B9D1: variants seen among roughly 807,000 people sequenced by gnomAD.
B9D1 encodes B9 domain containing 1.
A neutral mutation model predicts 26.1 loss-of-function variants in B9D1; 20 were observed. The observed-to-expected ratio is 0.77, with a 90% CI of 0.54 to 1.12. The LOEUF is 1.12. B9D1 is among the 50% of genes most tolerant of loss of function. The pLI is 0.00. For missense variants in B9D1, 260 were observed against 273.7 expected (o/e 0.95, Z 0.35); for synonymous variants, 105 against 103.1 (o/e 1.02, Z -0.11).
chr17:19,376,624 CAAAAAAAAA>C (rs56972267), intron 1 of B9D1, among the ~76,000 whole-genome samples: 1,120 of 49,010 alleles, frequency 0.023, 20 homozygotes, highest in South Asian at 0.21. Flanking sequence ...TACTAAAATA[CAAAAAAAAA>C]AAAAAAAAAA....
intron 5 of B9D1, among the ~76,000 whole-genome samples, chr17:19,345,676 G>A (rs1468104070): frequency 6.6e-6 from 1 of 152,186 alleles, no homozygotes; most frequent in Non-Finnish European, 1.5e-5. Context: ...CCAGTGACCT[G>A]GATTTTGAAC....
At chr17:19,371,247 T>C (rs1001489999) in intron 1 of B9D1, 1 of 152,454 alleles carries the variant, frequency 6.6e-6, no homozygotes, top group Non-Finnish European at 1.5e-5. Flanking sequence ...TATGTCCCAG[T>C]AGCTTGTGTG....
intron 5 of B9D1, chr17:19,346,826 T>C: frequency 9.1e-7 from 1 of 1,096,938 alleles, no homozygotes; most frequent in Non-Finnish European, 1.2e-6. Context: ...GTGCCTGATG[T>C]TCTTCCCCGG....
downstream of B9D1, chr17:19,335,473 G>A (rs1907367040): frequency 7.7e-6 from 12 of 1,549,518 alleles, no homozygotes; most frequent in Non-Finnish European, 9.6e-6. Context: ...CTTTAACCTT[G>A]TGTGTCTGTG....
At chr17:19,350,494 G>A (rs1909455888) in intron 3 of B9D1, among the ~76,000 whole-genome samples, 1 of 151,958 alleles carries the variant, frequency 6.6e-6, no homozygotes, top group Admixed American at 6.5e-5. Context: ...AGTGAGCTGA[G>A]ATCGTGCCAC....
At chr17:19,376,787 C>CAAATAAAATAAAATAAAATAAAATA (rs150015643) in intron 1 of B9D1, among the ~76,000 whole-genome samples, 4 of 134,700 alleles carry the variant, frequency 3.0e-5, no homozygotes, top group Admixed American at 2.2e-4. Context: ...ACTCACTCTT[C>CAAATAAAATAAAATAAAATAAAATA]AAATAAAATA....
At chr17:19,349,207 T>C (rs754022788) in intron 3 of B9D1, among the ~76,000 whole-genome samples, 5 of 152,194 alleles carry the variant, frequency 3.3e-5, no homozygotes, top group African/African-American at 4.8e-5. Flanking sequence ...AGTGAGAGAA[T>C]AGTGGTAGCT....
intron 3 of B9D1, among the ~76,000 whole-genome samples, chr17:19,349,060 T>C (rs1388837840): frequency 6.6e-6 from 1 of 152,130 alleles, no homozygotes; most frequent in Non-Finnish European, 1.5e-5. Flanking sequence ...CCCATGTATG[T>C]TCCCTCCCAA....
chr17:19,377,399 T>G (rs1199718175), intron 1 of B9D1, among the ~76,000 whole-genome samples: 1 of 152,214 alleles, frequency 6.6e-6, no homozygotes, highest in Non-Finnish European at 1.5e-5. Context: ...TGTTTAAAAG[T>G]GAGGGACCCC....
chr17:19,350,512 C>T (rs1357089989), intron 3 of B9D1, among the ~76,000 whole-genome samples: 1 of 151,988 alleles, frequency 6.6e-6, no homozygotes, highest in Non-Finnish European at 1.5e-5. Context: ...CACTGCACTC[C>T]AGCCTGGGAG....
In B9D1 at chr17:19,347,228, A is replaced by G. The variant is rs1908939943; in HGVS notation, c.404+41T>C. ...GGTAGAATGGGACATCCATTCATCCAGTAGATCAGGAGGGGCTGGGGTTAT... is the reference window on the plus strand; with the variant it reads ...GGTAGAATGGGACATCCATTCATCCGGTAGATCAGGAGGGGCTGGGGTTAT... On this transcript the variant is annotated intron_variant, in intron 5 of 6. Coordinates refer to ENST00000261499, the MANE Select transcript of B9D1 (RefSeq NM_015681.6). The surrounding 1 kb of genome is among the most constrained non-coding windows in gnomAD (Gnocchi z 4.3). 3 of 1,614,238 alleles carry G rather than the reference A, an allele frequency of 1.9e-6. No individual in the cohort carries two copies. The highest frequency in any genetic ancestry group is 2.2e-5 in the East Asian group (1 of 44,886).
At chr17:19,342,482 C>T (rs377289822), downstream of B9D1, among the ~76,000 whole-genome samples, 3 of 152,020 alleles carry the variant, frequency 2.0e-5, no homozygotes, top group South Asian at 2.1e-4. Flanking sequence ...CCATGTCTGC[C>T]GAAAGCTCAG....
chr17:19,376,738 G>A (rs1912140374), intron 1 of B9D1, among the ~76,000 whole-genome samples: 1 of 149,792 alleles, frequency 6.7e-6, no homozygotes, highest in Non-Finnish European at 1.5e-5. Context: ...AGTGAGCCGA[G>A]ATCGCACCAC....
intron 1 of B9D1, among the ~76,000 whole-genome samples, chr17:19,377,036 C>T (rs1380327330): frequency 6.6e-6 from 1 of 152,130 alleles, no homozygotes; most frequent in Non-Finnish European, 1.5e-5. Context: ...AGACAAATGG[C>T]CAATAAGCAC....
chr17:19,340,730 A>C (rs1201857833), downstream of B9D1, among the ~76,000 whole-genome samples: 1 of 148,392 alleles, frequency 6.7e-6, no homozygotes, highest in Admixed American at 6.8e-5. Flanking sequence ...CAGAGGTTGC[A>C]GTCAGCCAGG....
rs936806693 is a variant in B9D1 at position 19,370,811 on chromosome 17, A to G, written c.-298+7048T>C. Among the ~76,000 whole-genome samples, 1 of 152,218 alleles carries G rather than the reference A, an allele frequency of 6.6e-6. No individual in the cohort carries two copies. The highest frequency in any genetic ancestry group is 1.5e-5 in the Non-Finnish European group (1 of 68,026). On this transcript the variant is annotated intron_variant, in intron 1 of 5. Transcript: ENST00000477478. This position sits in a 1 kb window ranked among gnomAD's most constrained non-coding sequence, Gnocchi z 5.1. ...CCTTTCCTCCACCAAAACCACACTC[A>G]GCTCATAGGCTGGCCTCAGGGGCAG...
chr17:19,367,542 C>T (rs1911664351), upstream of B9D1, among the ~76,000 whole-genome samples: 1 of 152,152 alleles, frequency 6.6e-6, no homozygotes, highest in Non-Finnish European at 1.5e-5. Context: ...AAAGTCCTGA[C>T]CTCAAGTGAT....
rs777500443 is a variant in B9D1, at chr17:19,347,860, C to A, written c.265G>T (p.Val89Leu). Residue 89 changes from valine (V) to leucine (L), a missense_variant, in exon 4 of 7, where the codon GTG becomes TTG. Val to Leu is a conservative substitution (Grantham distance 32, BLOSUM62 1). Transcript: ENST00000261499. The surrounding 1 kb of genome is among the most constrained non-coding windows in gnomAD (Gnocchi z 4.3). ...PYGWPQIVLS[V>L]YGPDVFGNDV... The stretch of plus-strand genomic sequence containing the variant: ...TTCCCGAACACATCTGGTCCATACA[C>A]GCTGAGCACGATCTGTGGCCCTTGG... 1.9e-6 allele frequency: 3 copies of A among 1,613,994 alleles called. No individual in the cohort carries two copies. The highest frequency in any genetic ancestry group is 1.7e-6 in the Non-Finnish European group (2 of 1,180,032).
chr17:19,368,881 G>A (rs1914546220), intron 1 of B9D1, among the ~76,000 whole-genome samples: 1 of 152,072 alleles, frequency 6.6e-6, no homozygotes, highest in Non-Finnish European at 1.5e-5. Context: ...AGGGTTTGAG[G>A]ATGCAGTGAG....
Sources: allele counts gnomAD v4.1 joint callset (sites outside exome capture counted in the v4.1 genomes callset), GRCh38; gene constraint gnomAD v4.1.1; non-coding constraint Gnocchi (gnomAD v3.1); transcripts MANE v1.5; gene names NCBI Gene and HGNC (gene_info 2026-07-23, HGNC 2026-07-21).